Variants in JAK2 observed in about 807,000 individuals in gnomAD.
The protein encoded by JAK2 is Janus kinase 2, also known as tyrosine-protein kinase JAK2.
A neutral mutation model predicts 139.3 loss-of-function variants in JAK2; 86 were observed. That is an observed-to-expected ratio of 0.62 (90% confidence interval 0.52 to 0.74). JAK2 has a LOEUF of 0.74. Among genes scored for constraint, JAK2 ranks in the 30% least tolerant of loss-of-function variants. JAK2 has a pLI of 0.00. For synonymous variants in JAK2, 490 were observed against 437.7 expected (o/e 1.12, Z -1.49); for missense variants, 1,421 against 1,360.3 (o/e 1.04, Z -0.70).
intron 22 of JAK2, among the ~76,000 whole-genome samples, chr9:5,107,368 C>T (rs1822049042): frequency 1.3e-5 from 2 of 152,078 alleles, no homozygotes; most frequent in Admixed American, 1.3e-4. Context: ...CTCCAACTGC[C>T]TCCCCTTTTC....
intron 19 of JAK2, among the ~76,000 whole-genome samples, chr9:5,086,425 C>G (rs1316174668): frequency 6.6e-6 from 1 of 152,232 alleles, no homozygotes; most frequent in Non-Finnish European, 1.5e-5. Flanking sequence ...AGTGCGACTA[C>G]TTTGAAATTA....
chr9:5,038,602 T>G, intron 4 of JAK2, among the ~76,000 whole-genome samples: 1 of 151,856 alleles, frequency 6.6e-6, no homozygotes, highest in East Asian at 1.9e-4. Context: ...TTAGATTTTT[T>G]TTTTTTTTTT....
intron 4 of JAK2, among the ~76,000 whole-genome samples, chr9:5,037,695 G>A (rs1035290405): frequency 2.6e-5 from 4 of 152,112 alleles, no homozygotes; most frequent in Middle Eastern, 3.2e-3. Context: ...ATCACATACC[G>A]GGGCCTGTTC....
chr9:5,100,557 C>A (rs1029217221), intron 22 of JAK2: 1 of 152,200 alleles, frequency 6.6e-6, no homozygotes, highest in Non-Finnish European at 1.5e-5. Flanking sequence ...TAGTCTAGCC[C>A]CAATGCCAGA....
chr9:5,091,735 G>T (rs1820589441), intron 22 of JAK2: 3 of 152,158 alleles, frequency 2.0e-5, no homozygotes, highest in Admixed American at 1.3e-4. Context: ...AGTGAAGCTA[G>T]ATTTTGGCTT....
chr9:5,123,095 A>G lies in JAK2; in HGVS notation c.3151A>G (p.Ile1051Val), dbSNP rs1007272721. The change falls in exon 23 of 25, where the codon ATT becomes GTT. Residue 1051 changes from isoleucine (I) to valine (V), a missense_variant. Transcript: ENST00000381652. ...GGTTCTGTATGAACTTTTCACATACATTGAGAAGAGTAAAAGTCCACCAGC... is the reference window on the plus strand; with the variant it reads ...GGTTCTGTATGAACTTTTCACATACGTTGAGAAGAGTAAAAGTCCACCAGC... ...GVVLYELFTYIEKSKSPPAEF... is the reference protein window; with the variant it reads ...GVVLYELFTYVEKSKSPPAEF... The G allele has an allele frequency of 6.2e-7, 1 of 1,607,646 alleles. No individual in the cohort carries two copies. Among genetic ancestry groups the G allele is most frequent in the East Asian group, 2.2e-5 (1 of 44,816 alleles).
intron 19 of JAK2, chr9:5,086,240 C>A (rs1423861772): frequency 1.4e-5 from 8 of 585,234 alleles, no homozygotes; most frequent in Non-Finnish European, 1.8e-5. Context: ...CTGAAAGTCG[C>A]GGTAGGATGG....
At chr9:5,107,770 C>T (rs1345611434) in intron 22 of JAK2, among the ~76,000 whole-genome samples, 2 of 151,912 alleles carry the variant, frequency 1.3e-5, no homozygotes, top group Non-Finnish European at 2.9e-5. Context: ...TCATAATTAC[C>T]CTTATAACTT....
At chr9:5,113,823 C>CAT in intron 22 of JAK2, 1 of 177,844 alleles carries the variant, frequency 5.6e-6, no homozygotes, top group Non-Finnish European at 1.2e-5. Flanking sequence ...CTCTGTGGTC[C>CAT]GCAGACCAGG....
intron 20 of JAK2, 52 bp downstream of exon 20, chr9:5,089,915 CTGTGTAATATAAA>C: frequency 8.0e-7 from 1 of 1,248,086 alleles, no homozygotes; most frequent in Non-Finnish European, 1.1e-6. Flanking sequence ...GTTTGGCATC[CTGTGTAATATAAA>C]TGTACAATGT....
intron 19 of JAK2, among the ~76,000 whole-genome samples, chr9:5,088,928 A>T (rs978194189): frequency 6.6e-6 from 1 of 152,188 alleles, no homozygotes; most frequent in Non-Finnish European, 1.5e-5. Context: ...TCATTATATA[A>T]ATTTTGGGTA....
intron 3 of JAK2, among the ~76,000 whole-genome samples, chr9:5,024,009 C>T (rs1375811513): frequency 1.3e-5 from 2 of 152,088 alleles, no homozygotes; most frequent in East Asian, 3.9e-4. Flanking sequence ...GTAATCCCAG[C>T]ACTTTGGGAG....
rs1563994730 is a variant in JAK2 at position 5,090,730 on chromosome 9, T to C, written c.2887-9T>C. The C allele has an allele frequency of 1.3e-6, 2 of 1,576,938 alleles. No homozygotes were observed. Among genetic ancestry groups the C allele is most frequent in the East Asian group, 2.2e-5 (1 of 44,470 alleles). ...AAAACTAGCTGAAAGAAAAATGTTTTATCCATAGGGTATGGAGTATCTTGG... is the reference window on the plus strand; with the variant it reads ...AAAACTAGCTGAAAGAAAAATGTTTCATCCATAGGGTATGGAGTATCTTGG... On this transcript the variant is annotated splice_polypyrimidine_tract_variant and intron_variant, in intron 21 of 24. Coordinates refer to ENST00000381652, the MANE Select transcript of JAK2 (RefSeq NM_004972.4).
At chr9:5,000,951 G>A (rs997146306) in intron 2 of JAK2, among the ~76,000 whole-genome samples, 1 of 151,886 alleles carries the variant, frequency 6.6e-6, no homozygotes, top group African/African-American at 2.4e-5. Flanking sequence ...CCCCTTCCAG[G>A]GTCAGCAAAT....
chr9:5,100,880 C>T (rs1268238861), intron 22 of JAK2: 3 of 152,304 alleles, frequency 2.0e-5, no homozygotes, highest in Non-Finnish European at 2.9e-5. Flanking sequence ...ACATTTCTCA[C>T]TATCTGCTTC....
chr9:5,127,226 G>A lies in JAK2; in HGVS notation c.*435G>A, dbSNP rs1402922311. On this transcript the variant is annotated 3_prime_UTR_variant, in exon 25 of 25. Transcript: ENST00000381652. Reference sequence around the variant, plus strand: ...GTGATGTTTTACACACATGAGGGCTGGTGTTCATTAATACTGTTTTCTAAT... The same window carrying A: ...GTGATGTTTTACACACATGAGGGCTAGTGTTCATTAATACTGTTTTCTAAT... 3 of 232,642 alleles carry A rather than the reference G, an allele frequency of 1.3e-5. No individual in the cohort carries two copies. Among genetic ancestry groups the A allele is most frequent in the African/African-American group, 4.4e-5 (2 of 45,226 alleles). The allele number at this position is 232,642 out of a possible 1,614,324, so 14.4% of individuals were successfully genotyped here.
chr9:5,030,703 T>G (rs1298770353), intron 4 of JAK2, among the ~76,000 whole-genome samples: 1 of 152,114 alleles, frequency 6.6e-6, no homozygotes, highest in Admixed American at 6.5e-5. Context: ...ATATATAATA[T>G]TTATTATTGT....
intron 8 of JAK2, 79 bp downstream of exon 8, chr9:5,055,867 A>T: frequency 7.7e-7 from 1 of 1,297,472 alleles, no homozygotes; most frequent in Non-Finnish European, 1.1e-6. Context: ...TAGTACCAAA[A>T]TTATTTTCTG....
At position 5,073,888 on chromosome 9, in the gene JAK2, ATAATT is replaced by A. The variant is rs1819138096; in HGVS notation, c.1864+107_1864+111del. On this transcript the variant is annotated intron_variant, in intron 14 of 24. Transcript: ENST00000381652. ...TCACAGCTAGGTGTCAGTGTAAACT[ATAATT>A]TAACAGGAGTTAAGTATTTTTGAAA... The A allele has an allele frequency of 4.2e-6, 3 of 716,530 alleles. No homozygotes were observed. In the East Asian group the frequency reaches 7.5e-5, roughly 18 times the overall value. 44.4% of individuals were successfully genotyped at this position (716,530 alleles called of 1,614,324 possible).
Sources: allele counts gnomAD v4.1 joint callset (sites outside exome capture counted in the v4.1 genomes callset), GRCh38; gene constraint gnomAD v4.1.1; transcripts MANE v1.5; gene names NCBI Gene and HGNC (gene_info 2026-07-23, HGNC 2026-07-21).